Variants in STX8 observed in about 807,000 individuals in gnomAD.
STX8 encodes the protein syntaxin 8.
STX8 carries 23 observed loss-of-function variants against 37.5 expected under a neutral mutation model. The observed-to-expected ratio is 0.61, with a 90% CI of 0.44 to 0.87. The LOEUF (loss-of-function observed/expected upper bound fraction) is 0.87. Among genes scored for constraint, STX8 ranks in the 40% least tolerant of loss-of-function variants. The pLI is 0.00. For missense variants in STX8, 313 were observed against 284.7 expected (o/e 1.10, Z -0.71); for synonymous variants, 115 against 99.1 (o/e 1.16, Z -0.95).
intron 6 of STX8, among the ~76,000 whole-genome samples, chr17:9,420,511 G>A (rs909144901): frequency 6.6e-6 from 1 of 151,952 alleles, no homozygotes; most frequent in South Asian, 2.1e-4. Flanking sequence ...GCACTTTCCC[G>A]CATCTTCACC....
chr17:9,294,232 C>T (rs865784061), intron 7 of STX8, among the ~76,000 whole-genome samples: 6 of 151,994 alleles, frequency 3.9e-5, no homozygotes, highest in Admixed American at 1.3e-4. Context: ...AGAGAGATGG[C>T]GTAACACAAG....
intron 6 of STX8, among the ~76,000 whole-genome samples, chr17:9,465,361 G>T (rs1275327093): frequency 1.3e-5 from 2 of 152,110 alleles, no homozygotes; most frequent in African/African-American, 2.4e-5. Context: ...CTGTCTCCTG[G>T]CTTCATGTCT....
At chr17:9,446,509 A>C (rs7216753) in intron 6 of STX8, among the ~76,000 whole-genome samples, 38,135 of 152,150 alleles carry the variant, frequency 0.25, 5,448 homozygotes, top group East Asian at 0.63. Flanking sequence ...CAGGGGATTA[A>C]TTTCTTCAAG....
At chr17:9,303,186 G>C (rs1411239887) in intron 7 of STX8, among the ~76,000 whole-genome samples, 2 of 152,112 alleles carry the variant, frequency 1.3e-5, no homozygotes, top group African/African-American at 4.8e-5. Flanking sequence ...AGCTACTCAG[G>C]AGGCTGAGGC....
chr17:9,478,835 G>A (rs1408482739), intron 6 of STX8, among the ~76,000 whole-genome samples: 4 of 152,082 alleles, frequency 2.6e-5, no homozygotes, highest in Non-Finnish European at 4.4e-5. Context: ...TTTTCCCTGC[G>A]ACTCTTCACT....
At chr17:9,472,100 A>G (rs1905894715) in intron 6 of STX8, among the ~76,000 whole-genome samples, 1 of 151,314 alleles carries the variant, frequency 6.6e-6, no homozygotes, top group Non-Finnish European at 1.5e-5. Flanking sequence ...AAGAAAAAAC[A>G]AAGTTCTGAA....
At chr17:9,288,869 G>A (rs923942424) in intron 7 of STX8, among the ~76,000 whole-genome samples, 1 of 152,070 alleles carries the variant, frequency 6.6e-6, no homozygotes, top group African/African-American at 2.4e-5. Flanking sequence ...AAACACAGGA[G>A]GTAATCATGA....
intron 1 of STX8, among the ~76,000 whole-genome samples, chr17:9,574,323 A>G (rs1907806504): frequency 7.5e-6 from 1 of 133,406 alleles, no homozygotes; most frequent in Non-Finnish European, 1.6e-5. Context: ...AAGAATGTCC[A>G]ATGACATAGA....
At chr17:9,384,568 G>A (rs1430912453) in intron 6 of STX8, among the ~76,000 whole-genome samples, 4 of 151,958 alleles carry the variant, frequency 2.6e-5, no homozygotes, top group Non-Finnish European at 4.4e-5. Context: ...AACCCGGGAG[G>A]CGGAGCTTGC....
intron 6 of STX8, among the ~76,000 whole-genome samples, chr17:9,480,937 G>T (rs113883523): frequency 0.024 from 3,647 of 151,700 alleles, 130 homozygotes; most frequent in African/African-American, 0.082. Flanking sequence ...CAGGCTGGAG[G>T]GTAGTGGCAT....
chr17:9,541,160 G>A (rs1379866), intron 4 of STX8, among the ~76,000 whole-genome samples: 141,335 of 152,102 alleles, frequency 0.93, 66,582 homozygotes, highest in East Asian at 1. Flanking sequence ...AGGAGGTTTC[G>A]GTGAAAATAC....
At chr17:9,304,317 C>T (rs771101125) in intron 7 of STX8, among the ~76,000 whole-genome samples, 4 of 151,556 alleles carry the variant, frequency 2.6e-5, no homozygotes, top group African/African-American at 7.3e-5. Flanking sequence ...TGAGACCAGC[C>T]GGACCAACAT....
At chr17:9,363,232 G>T (rs1036586559) in intron 7 of STX8, among the ~76,000 whole-genome samples, 4 of 152,172 alleles carry the variant, frequency 2.6e-5, no homozygotes, top group African/African-American at 9.7e-5. Flanking sequence ...CATGTGAAAA[G>T]ACATAAAGTG....
intron 5 of STX8, among the ~76,000 whole-genome samples, chr17:9,499,187 C>T (rs560504472): frequency 2.1e-4 from 32 of 152,262 alleles, no homozygotes; most frequent in Non-Finnish European, 2.9e-5. Flanking sequence ...AGGGATTCCA[C>T]GGGCTAAAGG....
chr17:9,524,939 C>T (rs2142531568), intron 4 of STX8, among the ~76,000 whole-genome samples: 1 of 152,020 alleles, frequency 6.6e-6, no homozygotes, highest in South Asian at 2.1e-4. Context: ...TCCCTAGTAG[C>T]TAGGACTACA....
intron 7 of STX8, among the ~76,000 whole-genome samples, chr17:9,333,264 C>CAAT (rs559321336): frequency 2.6e-5 from 4 of 152,306 alleles, no homozygotes; most frequent in African/African-American, 9.6e-5. Flanking sequence ...CTCTCCCCCA[C>CAAT]AATAGTCCCC....
Position 9,575,800 on chromosome 17 carries a change from C to A in STX8, c.9G>T (p.Pro3=), listed in dbSNP as rs953500540. The A allele has an allele frequency of 6.5e-6, 10 of 1,542,078 alleles. No individual in the cohort carries two copies. Among genetic ancestry groups the A allele is most frequent in the South Asian group, 1.2e-5 (1 of 83,940 alleles). The change falls in exon 1 of 8, where the codon CCG becomes CCT. Residue 3 remains proline (P), a synonymous_variant. Coordinates refer to ENST00000306357, the MANE Select transcript of STX8 (RefSeq NM_004853.3). ...CCTCACCCGGGACTCACCAGGGGTC[C>A]GGTGCCATCCTGCAGACTCCGCCCG... is the stretch of plus-strand genomic sequence containing the variant. The part of the protein sequence containing the change: MA[P]DPWFSTYDST...
At position 9,403,445 on chromosome 17, in the gene STX8, A is replaced by C. The variant is rs1238611230; in HGVS notation, c.542-24792T>G. 3.3e-5 allele frequency among the ~76,000 whole-genome samples: 5 copies of C among 152,192 alleles called. No individual in the cohort carries two copies. The East Asian group carries it at 9.6e-4, about 29-fold the overall frequency. On this transcript the variant is annotated intron_variant, in intron 6 of 7. Transcript: ENST00000306357. ...CACTGACATGTGTGTGCGATGGCAT[A>C]AGTAGGAAATGTGTGTGTGTGTAGA...
At chr17:9,339,070 C>CAAAAAAAAAAAAAAAAAAAAAAAAAAAAA (rs34987749) in intron 7 of STX8, among the ~76,000 whole-genome samples, 6 of 70,014 alleles carry the variant, frequency 8.6e-5, no homozygotes, top group African/African-American at 3.9e-4. Flanking sequence ...GACTCCGTCT[C>CAAAAAAAAAAAAAAAAAAAAAAAAAAAAA]AAAAAAAAAA....
Sources: allele counts gnomAD v4.1 joint callset (sites outside exome capture counted in the v4.1 genomes callset), GRCh38; gene constraint gnomAD v4.1.1; transcripts MANE v1.5; gene names NCBI Gene and HGNC (gene_info 2026-07-23, HGNC 2026-07-21).